EBF2: variants seen among roughly 807,000 people sequenced by gnomAD.
The protein encoded by EBF2 is transcription factor COE2.
In EBF2, 21 loss-of-function variants were observed where a neutral mutation model predicts 72.8. The observed-to-expected ratio is 0.29, with a 90% CI of 0.20 to 0.42. EBF2 has a LOEUF of 0.42. EBF2 is among the 10% of genes least tolerant of loss of function. The pLI is 1.00. For synonymous variants in EBF2, 299 were observed against 274.2 expected (o/e 1.09, Z -0.89); for missense variants, 637 against 731.2 (o/e 0.87, Z 1.49).
At chr8:25,969,729 A>T (rs1199283826) in intron 6 of EBF2, among the ~76,000 whole-genome samples, 1 of 152,188 alleles carries the variant, frequency 6.6e-6, no homozygotes, top group Non-Finnish European at 1.5e-5. Context: ...GGATCCAGGC[A>T]CCAGTTTCCT....
chr8:25,928,012 C>A (rs1408502122), intron 6 of EBF2, among the ~76,000 whole-genome samples: 1 of 152,088 alleles, frequency 6.6e-6, no homozygotes, highest in East Asian at 1.9e-4. Flanking sequence ...AAAAGTCCAT[C>A]AGATAAGGAA....
At chr8:26,036,350 C>G (rs1346212938) in intron 5 of EBF2, among the ~76,000 whole-genome samples, 3 of 152,178 alleles carry the variant, frequency 2.0e-5, no homozygotes. Flanking sequence ...ATCCAATCCT[C>G]CATTTTCCAA....
At chr8:25,992,680 ATTGC>A (rs2117211362) in intron 6 of EBF2, among the ~76,000 whole-genome samples, 1 of 151,928 alleles carries the variant, frequency 6.6e-6, no homozygotes, top group South Asian at 2.1e-4. Context: ...AGGCAGGCAA[ATTGC>A]TTGAGCTCAG....
At chr8:25,907,966 C>T (rs1327497315) in intron 7 of EBF2, among the ~76,000 whole-genome samples, 4 of 152,132 alleles carry the variant, frequency 2.6e-5, no homozygotes, top group Non-Finnish European at 4.4e-5. Context: ...ATTTAACTGC[C>T]AGGCAGCTGG....
At chr8:25,924,432 A>AT (rs1803352687) in intron 6 of EBF2, among the ~76,000 whole-genome samples, 1 of 152,228 alleles carries the variant, frequency 6.6e-6, no homozygotes, top group African/African-American at 2.4e-5. Context: ...ATTTCCAGAA[A>AT]ATAAATTACA....
chr8:25,887,844 C>T lies in EBF2; in HGVS notation c.880G>A (p.Glu294Lys), dbSNP rs199818972. 5.6e-6 allele frequency: 9 copies of T among 1,600,196 alleles called. No homozygotes were observed. Among genetic ancestry groups the T allele is most frequent in the South Asian group, 1.1e-5 (1 of 88,184 alleles). Residue 294 changes from glutamate to lysine, a missense_variant and splice_region_variant, in exon 9 of 16, where the codon GAG becomes AAG. Transcript: ENST00000520164. Reference sequence around the variant, plus strand: ...GTAAGCCTGTTGCCTCTGCTTACCTCGCTCCATACAAGCATAGTCCCAAAC... The same window carrying T: ...GTAAGCCTGTTGCCTCTGCTTACCTTGCTCCATACAAGCATAGTCCCAAAC... ...VVFGTMLVWS[E>K]LITPHAIRVQ...
At position 25,976,927 on chromosome 8, in the gene EBF2, C is replaced by T. The variant is rs1421667831; in HGVS notation, c.551+56158G>A. On this transcript the variant is annotated intron_variant, in intron 6 of 15. Transcript: ENST00000520164. ...GACATTAAAAGGAACGCTCTGTGCA[C>T]CTCCTTTTAAACTCCATGTTCTCTT... Among the ~76,000 whole-genome samples the T allele has an allele frequency of 2.0e-5, 3 of 152,294 alleles. No individual in the cohort carries two copies. The East Asian group carries it at 5.8e-4, about 29-fold the overall frequency.
chr8:25,918,925 C>A (rs759453717), intron 6 of EBF2, among the ~76,000 whole-genome samples: 2 of 152,092 alleles, frequency 1.3e-5, no homozygotes, highest in Non-Finnish European at 2.9e-5. Flanking sequence ...TATTAACACT[C>A]CACTGTATAT....
chr8:26,008,840 C>CAAAAAAA (rs61069458), intron 6 of EBF2, among the ~76,000 whole-genome samples: 8 of 114,596 alleles, frequency 7.0e-5, no homozygotes, highest in Admixed American at 1.8e-4. Flanking sequence ...ATCAACCTCT[C>CAAAAAAA]AAAAAAAAAA....
rs560500276 is a variant in EBF2 at position 25,971,672 on chromosome 8, A to C, written c.551+61413T>G. On this transcript the variant is annotated intron_variant, in intron 6 of 15. Transcript: ENST00000520164. ...TAAGGGTCACAGGGAAGAAAAAAAAACACAAAACTTTATCTTTGGCTTGTT... is the reference window on the plus strand; with the variant it reads ...TAAGGGTCACAGGGAAGAAAAAAAACCACAAAACTTTATCTTTGGCTTGTT... Among the ~76,000 whole-genome samples, 15 of 152,300 alleles carry C rather than the reference A, an allele frequency of 9.8e-5. No homozygotes were observed. In the East Asian group the frequency reaches 1.9e-3, roughly 20 times the overall value.
intron 10 of EBF2, among the ~76,000 whole-genome samples, chr8:25,877,563 T>C (rs1013157253): frequency 3.3e-5 from 5 of 152,160 alleles, no homozygotes; most frequent in Admixed American, 2.0e-4. Flanking sequence ...GTGGCAACCA[T>C]GGGGGTCTGG....
At chr8:25,979,374 A>C (rs1804321959) in intron 6 of EBF2, among the ~76,000 whole-genome samples, 1 of 152,174 alleles carries the variant, frequency 6.6e-6, no homozygotes, top group Admixed American at 6.5e-5. Flanking sequence ...CCGGCCCTCG[A>C]GTCACATTGT....
intron 6 of EBF2, among the ~76,000 whole-genome samples, chr8:26,018,905 T>C (rs969957820): frequency 5.9e-5 from 8 of 136,114 alleles, no homozygotes; most frequent in Non-Finnish European, 1.2e-4. Context: ...TTGTATTCAC[T>C]GGACCATCAG....
At chr8:26,021,476 A>G (rs551273654) in intron 6 of EBF2, among the ~76,000 whole-genome samples, 3 of 152,334 alleles carry the variant, frequency 2.0e-5, no homozygotes, top group Admixed American at 6.5e-5. Flanking sequence ...TTCCCCCTCC[A>G]CAGGCTGAGA....
intron 6 of EBF2, among the ~76,000 whole-genome samples, chr8:25,942,526 A>G (rs533172906): frequency 2.0e-5 from 3 of 152,298 alleles, no homozygotes; most frequent in South Asian, 4.2e-4. Flanking sequence ...CCTTATGGAG[A>G]GGCTCCATGG....
intron 6 of EBF2, among the ~76,000 whole-genome samples, chr8:25,988,119 T>G (rs909780754): frequency 6.6e-6 from 1 of 152,096 alleles, no homozygotes; most frequent in East Asian, 1.9e-4. Context: ...ACTCACTGGA[T>G]AGCAGGTTGG....
At chr8:25,924,644 C>T (rs1261777891) in intron 6 of EBF2, among the ~76,000 whole-genome samples, 2 of 152,082 alleles carry the variant, frequency 1.3e-5, no homozygotes, top group South Asian at 2.1e-4. Context: ...TCAATAATTG[C>T]CAGATATATG....
rs375386709 is a variant in EBF2, at chr8:26,005,561, T to TATATATAGAGAG, written c.551+27523_551+27524insCTCTCTATATAT. Among the ~76,000 whole-genome samples, 330 of 63,868 alleles carry TATATATAGAGAG rather than the reference T, an allele frequency of 5.2e-3. 3 individuals are homozygous for TATATATAGAGAG. Among genetic ancestry groups the TATATATAGAGAG allele is most frequent in the East Asian group, 0.013 (31 of 2,372 alleles). The allele number at this position is 63,868 out of a possible 152,430, so 41.9% of individuals were successfully genotyped here. On this transcript the variant is annotated intron_variant, in intron 6 of 15. Transcript: ENST00000520164. Reference sequence around the variant, plus strand: ...TATATTTTATATATATATATATATATAGAGAGAGAGAGAGAGAGGTATTTT... The same window carrying TATATATAGAGAG: ...TATATTTTATATATATATATATATATATATATAGAGAGAGAGAGAGAGAGAGAGAGGTATTTT...
At chr8:25,966,762 C>A (rs1183817762) in intron 6 of EBF2, among the ~76,000 whole-genome samples, 3 of 152,164 alleles carry the variant, frequency 2.0e-5, no homozygotes, top group Non-Finnish European at 4.4e-5. Context: ...AGCCAGGCAG[C>A]CTGCATACCT....
Sources: allele counts gnomAD v4.1 joint callset (sites outside exome capture counted in the v4.1 genomes callset), GRCh38; gene constraint gnomAD v4.1.1; transcripts MANE v1.5; gene names NCBI Gene and HGNC (gene_info 2026-07-23, HGNC 2026-07-21).